Variants in TSGA10IP observed in about 807,000 individuals in gnomAD.
The protein encoded by TSGA10IP is testis-specific protein 10-interacting protein.
In TSGA10IP, 64 loss-of-function variants were observed where a neutral mutation model predicts 63.2. That is an observed-to-expected ratio of 1.01 (90% CI 0.83 to 1.25). The LOEUF is 1.25. Ranked by LOEUF, TSGA10IP falls within the 50% of genes most tolerant of loss-of-function variation. The probability of loss-of-function intolerance (pLI) is 0.00; values close to 1 mark genes in which losing one functional copy is unlikely to be tolerated. For missense variants in TSGA10IP, 681 were observed against 710.1 expected, an observed-to-expected ratio of 0.96 and a Z score of 0.47; for synonymous variants, 316 against 298.3, an observed-to-expected ratio of 1.06 and a Z score of -0.61.
At position 65,947,170 on chromosome 11, in the gene TSGA10IP, C is replaced by T. The variant is rs774855771; in HGVS notation, c.345C>T (p.Ile115=). Residue 115 remains isoleucine (I), a synonymous_variant, in exon 3 of 8, where the codon ATC becomes ATT. Coordinates refer to ENST00000532620, the Ensembl canonical transcript of TSGA10IP. Reference sequence around the variant, plus strand: ...CCTTCCAGTGGGCCTGGGAGAGCATCGCCACAGATGTCCGGGCTGTGCTTC... The same window carrying T: ...CCTTCCAGTGGGCCTGGGAGAGCATTGCCACAGATGTCCGGGCTGTGCTTC... 21 of 1,610,300 alleles carry T rather than the reference C, an allele frequency of 1.3e-5. No individual in the cohort carries two copies. The East Asian group carries it at 2.7e-4, about 21-fold the overall frequency.
chr11:65,953,812 C>T (rs1011316173), intron 5 of TSGA10IP, 75 bp downstream of exon 5: 25 of 1,252,320 alleles, frequency 2.0e-5, no homozygotes, highest in Non-Finnish European at 2.3e-5. Context: ...TCTACAGGAC[C>T]GAGGAGCACC....
chr11:65,959,363 G>A (rs1855079277), intron 7 of TSGA10IP, 49 bp downstream of exon 7: 1 of 1,595,956 alleles, frequency 6.3e-7, no homozygotes, highest in Admixed American at 1.7e-5. Context: ...GCTGCTGCGG[G>A]AAGGGGCGCC....
intron 5 of TSGA10IP, among the ~76,000 whole-genome samples, chr11:65,956,633 T>C (rs897094000): frequency 6.6e-6 from 1 of 152,162 alleles, no homozygotes; most frequent in African/African-American, 2.4e-5. Flanking sequence ...GCTCAAGCAA[T>C]TCTCCTGCCT....
Sources: gnomAD v4.1 joint callset for allele counts (sites outside exome capture counted in the v4.1 genomes callset) on GRCh38, gnomAD v4.1.1 for gene constraint, MANE v1.5 for transcripts, NCBI Gene and HGNC (gene_info 2026-07-23, HGNC 2026-07-21) for gene names.